Variants in CDH13 observed in about 807,000 individuals in gnomAD.
CDH13 encodes cadherin 13.
Under a neutral mutation model 63.8 loss-of-function variants are expected in CDH13, and 24 were observed. The ratio of observed to expected loss-of-function variants is 0.38; its 90% CI spans 0.27 to 0.53. The LOEUF (loss-of-function observed/expected upper bound fraction) is 0.53. Ranked by LOEUF, CDH13 falls within the 20% of genes least tolerant of loss-of-function variation. The pLI is 0.85. For missense variants in CDH13, 1,049 were observed against 903.1 expected (o/e 1.16, Z -2.07); for synonymous variants, 503 against 355.3 (o/e 1.42, Z -4.67).
intron 3 of CDH13, among the ~76,000 whole-genome samples, chr16:83,062,503 T>A (rs1057138224): frequency 6.6e-6 from 1 of 152,168 alleles, no homozygotes; most frequent in African/African-American, 2.4e-5. Context: ...TCTTGTGATG[T>A]CTCATGGTCC....
At chr16:83,413,980 C>T (rs563651084) in intron 6 of CDH13, among the ~76,000 whole-genome samples, 218 of 151,170 alleles carry the variant, frequency 1.4e-3, no homozygotes, top group African/African-American at 5.0e-3. Flanking sequence ...GGCAATAGAG[C>T]GAGACTCCAT....
intron 1 of CDH13, among the ~76,000 whole-genome samples, chr16:82,799,137 G>T (rs1018200490): frequency 6.0e-5 from 9 of 149,404 alleles, no homozygotes; most frequent in African/African-American, 2.2e-4. Flanking sequence ...CCCCTAAAAT[G>T]CCTTCAGCGT....
At chr16:83,233,714 A>G (rs1057235172) in intron 5 of CDH13, among the ~76,000 whole-genome samples, 25 of 152,182 alleles carry the variant, frequency 1.6e-4, no homozygotes, top group African/African-American at 6.0e-4. Flanking sequence ...TCTTTCCTTT[A>G]TAAGGTCCCT....
At chr16:82,674,592 T>G (rs1913680906) in intron 1 of CDH13, among the ~76,000 whole-genome samples, 1 of 152,210 alleles carries the variant, frequency 6.6e-6, no homozygotes, top group South Asian at 2.1e-4. Context: ...ATCAGGTACG[T>G]GAAACCAGAA....
intron 8 of CDH13, among the ~76,000 whole-genome samples, chr16:83,608,609 C>T (rs923398277): frequency 3.9e-5 from 6 of 151,942 alleles, no homozygotes; most frequent in African/African-American, 1.5e-4. Flanking sequence ...CCTCAGCCTC[C>T]TGAGTAGCTG....
At chr16:83,307,382 A>C (rs1413268384) in intron 5 of CDH13, among the ~76,000 whole-genome samples, 1 of 152,216 alleles carries the variant, frequency 6.6e-6, no homozygotes, top group African/African-American at 2.4e-5. Flanking sequence ...AGCTCCAGGC[A>C]GTGCTACCTC....
At chr16:83,155,066 G>T (rs1027213348) in intron 4 of CDH13, among the ~76,000 whole-genome samples, 12 of 152,208 alleles carry the variant, frequency 7.9e-5, no homozygotes, top group African/African-American at 2.7e-4. Flanking sequence ...TTAGAAGGAA[G>T]AAAACCACTT....
chr16:83,018,611 G>T (rs191435204), intron 2 of CDH13, among the ~76,000 whole-genome samples: 1 of 152,114 alleles, frequency 6.6e-6, no homozygotes, highest in Non-Finnish European at 1.5e-5. Flanking sequence ...CCTCCAGTAT[G>T]GTCATGCATT....
rs988900124 is a variant in CDH13 at position 83,367,792 on chromosome 16, C to T, written c.781+22786C>T. Among the ~76,000 whole-genome samples the T allele has an allele frequency of 9.9e-5, 15 of 152,182 alleles. No individual in the cohort carries two copies. The East Asian group carries it at 2.1e-3, about 22-fold the overall frequency. On this transcript the variant is annotated intron_variant, in intron 6 of 13. Transcript: ENST00000567109. ...ATTTCCATATAAATTTTGAAATCAA[C>T]GTTTCAATTTCTGTGAAAAAAGAGA...
At chr16:82,650,881 C>T (rs7185267) in intron 1 of CDH13, among the ~76,000 whole-genome samples, 70,143 of 152,088 alleles carry the variant, frequency 0.46, 17,037 homozygotes, top group African/African-American at 0.63. Context: ...GGGCAGTAAA[C>T]AGTTTAAATT....
At chr16:82,930,264 G>T (rs554030255) in intron 2 of CDH13, among the ~76,000 whole-genome samples, 2 of 151,906 alleles carry the variant, frequency 1.3e-5, no homozygotes, top group Admixed American at 6.6e-5. Flanking sequence ...AGCATGAGCC[G>T]CTACGTCCGG....
intron 1 of CDH13, among the ~76,000 whole-genome samples, chr16:82,649,083 T>G (rs989103082): frequency 1.7e-5 from 2 of 118,424 alleles, no homozygotes; most frequent in Non-Finnish European, 3.5e-5. Flanking sequence ...AATATAAATA[T>G]AGTTAGAGAG....
chr16:83,160,965 A>T (rs1018886892), intron 4 of CDH13, among the ~76,000 whole-genome samples: 5 of 152,220 alleles, frequency 3.3e-5, no homozygotes, highest in Admixed American at 6.5e-5. Context: ...TAGGGCAGAA[A>T]TTGGGCAACC....
intron 7 of CDH13, among the ~76,000 whole-genome samples, chr16:83,556,464 G>A (rs981162422): frequency 1.3e-5 from 2 of 152,142 alleles, no homozygotes; most frequent in African/African-American, 2.4e-5. Context: ...TCTCACATGC[G>A]GTGGTCAATC....
At chr16:82,892,328 C>G (rs576090872) in intron 2 of CDH13, among the ~76,000 whole-genome samples, 3 of 152,170 alleles carry the variant, frequency 2.0e-5, no homozygotes, top group Non-Finnish European at 4.4e-5. Context: ...CCTGCATGCT[C>G]ACACACTCTA....
chr16:82,817,562 G>T (rs2037782028), intron 1 of CDH13, among the ~76,000 whole-genome samples: 1 of 152,110 alleles, frequency 6.6e-6, no homozygotes, highest in Non-Finnish European at 1.5e-5. Flanking sequence ...CCAGCACTTT[G>T]GGAGGCCGAG....
chr16:83,020,268 T>C (rs564749387), intron 2 of CDH13, among the ~76,000 whole-genome samples: 1 of 152,306 alleles, frequency 6.6e-6, no homozygotes, highest in East Asian at 1.9e-4. Context: ...TTTATTCTGG[T>C]TATTTCTGGA....
At chr16:82,635,616 C>A (rs1567575585) in intron 1 of CDH13, among the ~76,000 whole-genome samples, 1 of 152,096 alleles carries the variant, frequency 6.6e-6, no homozygotes, top group African/African-American at 2.4e-5. Context: ...TGGGTTGGAG[C>A]TGGGTAAGAA....
chr16:82,827,395 C>G (rs2038306088), intron 1 of CDH13, among the ~76,000 whole-genome samples: 1 of 152,142 alleles, frequency 6.6e-6, no homozygotes, highest in Non-Finnish European at 1.5e-5. Flanking sequence ...CTGCCACTCA[C>G]AGAGTGAGGG....
Sources: allele counts gnomAD v4.1 joint callset (sites outside exome capture counted in the v4.1 genomes callset), GRCh38; gene constraint gnomAD v4.1.1; transcripts MANE v1.5; gene names NCBI Gene and HGNC (gene_info 2026-07-23, HGNC 2026-07-21).